Variants in FTO observed in about 807,000 individuals in gnomAD.
The protein encoded by FTO is alpha-ketoglutarate-dependent dioxygenase FTO.
Under a neutral mutation model 63.9 loss-of-function variants are expected in FTO, and 47 were observed. The ratio of observed to expected loss-of-function variants is 0.74; its 90% CI spans 0.58 to 0.94. The LOEUF (loss-of-function observed/expected upper bound fraction) is 0.94. Among genes scored for constraint, FTO ranks in the 40% least tolerant of loss-of-function variants. FTO has a pLI of 0.00. For missense variants in FTO, 562 were observed against 618.1 expected (o/e 0.91, Z 0.96); for synonymous variants, 207 against 224.4 (o/e 0.92, Z 0.69).
intron 7 of FTO, among the ~76,000 whole-genome samples, chr16:53,898,303 G>A (rs1197116363): frequency 6.6e-6 from 1 of 152,060 alleles, no homozygotes; most frequent in Non-Finnish European, 1.5e-5. Context: ...GCCTTTGTCT[G>A]GAATGTCTGT....
At chr16:53,705,417 T>A (rs932494499) in intron 1 of FTO, among the ~76,000 whole-genome samples, 1 of 152,202 alleles carries the variant, frequency 6.6e-6, no homozygotes, top group Non-Finnish European at 1.5e-5. Context: ...TAAAAGTCAC[T>A]CTTCACTATA....
At chr16:53,760,834 C>G (rs2077049337) in intron 1 of FTO, among the ~76,000 whole-genome samples, 1 of 151,618 alleles carries the variant, frequency 6.6e-6, no homozygotes, top group African/African-American at 2.4e-5. Context: ...ACCATGTTGG[C>G]CAGGCTGGTC....
intron 4 of FTO, among the ~76,000 whole-genome samples, chr16:53,851,038 C>T (rs1357954712): frequency 6.6e-6 from 1 of 152,028 alleles, no homozygotes; most frequent in African/African-American, 2.4e-5. Flanking sequence ...TTCAATATGA[C>T]ACTACCTGGT....
intron 8 of FTO, among the ~76,000 whole-genome samples, chr16:54,019,840 G>A (rs551055205): frequency 5.9e-5 from 9 of 152,240 alleles, no homozygotes; most frequent in South Asian, 2.1e-4. Flanking sequence ...ACTGCACAGC[G>A]TAGCATTTTG....
At chr16:53,827,235 C>G in intron 3 of FTO, among the ~76,000 whole-genome samples, 1 of 152,108 alleles carries the variant, frequency 6.6e-6, no homozygotes, top group Non-Finnish European at 1.5e-5. Flanking sequence ...TTCTCTTCTT[C>G]TATTATTGTT....
At chr16:53,874,727 A>C (rs2080598132) in intron 5 of FTO, among the ~76,000 whole-genome samples, 1 of 152,180 alleles carries the variant, frequency 6.6e-6, no homozygotes, top group African/African-American at 2.4e-5. Flanking sequence ...AAGTAGCTTT[A>C]CCAGTGGAAC....
intron 8 of FTO, among the ~76,000 whole-genome samples, chr16:54,106,432 G>A (rs1389971743): frequency 1.4e-5 from 2 of 148,018 alleles, no homozygotes; most frequent in Non-Finnish European, 3.0e-5. Context: ...AGGAAGGAGA[G>A]AGAGAAAAAG....
chr16:53,866,323 A>G (rs1004911005), intron 4 of FTO, among the ~76,000 whole-genome samples: 9 of 152,270 alleles, frequency 5.9e-5, no homozygotes, highest in Middle Eastern at 3.4e-3. Context: ...TTTTGCATCT[A>G]TGCTTATGAG....
At chr16:53,719,817 T>C (rs1164111180) in intron 1 of FTO, among the ~76,000 whole-genome samples, 1 of 152,134 alleles carries the variant, frequency 6.6e-6, no homozygotes, top group Non-Finnish European at 1.5e-5. Context: ...TATTTCAAAA[T>C]CTTAAAATAG....
chr16:54,094,797 G>A (rs1404968840), intron 8 of FTO, among the ~76,000 whole-genome samples: 1 of 152,194 alleles, frequency 6.6e-6, no homozygotes, highest in Non-Finnish European at 1.5e-5. Flanking sequence ...CGAATACTGT[G>A]TGTAGGTAGA....
intron 8 of FTO, among the ~76,000 whole-genome samples, chr16:53,987,964 C>T (rs2083711066): frequency 6.6e-6 from 1 of 152,146 alleles, no homozygotes. Context: ...CCCCCAGATA[C>T]CCCCACATTT....
intron 1 of FTO, among the ~76,000 whole-genome samples, chr16:53,802,673 T>C (rs999508241): frequency 1.3e-5 from 2 of 152,230 alleles, no homozygotes; most frequent in Non-Finnish European, 2.9e-5. Context: ...TAACTCCAAT[T>C]ACATGTATTA....
chr16:53,968,040 G>T (rs76906417), intron 8 of FTO, among the ~76,000 whole-genome samples: 1 of 152,002 alleles, frequency 6.6e-6, no homozygotes. Flanking sequence ...CACATATTAT[G>T]CAGCCTTCAT....
chr16:53,816,611 C>T (rs2078698196), intron 2 of FTO, among the ~76,000 whole-genome samples: 1 of 151,886 alleles, frequency 6.6e-6, no homozygotes, highest in Non-Finnish European at 1.5e-5. Context: ...CTGGAACTCT[C>T]TCATCCCCCC....
chr16:53,940,425 G>T (rs939819419), intron 8 of FTO, among the ~76,000 whole-genome samples: 1 of 152,180 alleles, frequency 6.6e-6, no homozygotes, highest in African/African-American at 2.4e-5. Context: ...AGCAGTGCAC[G>T]TTTCCCCGTT....
At chr16:54,022,227 C>T (rs146213914) in intron 8 of FTO, among the ~76,000 whole-genome samples, 6 of 152,236 alleles carry the variant, frequency 3.9e-5, no homozygotes, top group Non-Finnish European at 8.8e-5. Flanking sequence ...TTAAGGACAG[C>T]GTCTCCTAGG....
At chr16:54,033,214 C>T (rs2084870525) in intron 8 of FTO, among the ~76,000 whole-genome samples, 1 of 152,278 alleles carries the variant, frequency 6.6e-6, no homozygotes, top group African/African-American at 2.4e-5. Flanking sequence ...TCTGGACTGA[C>T]ATTTTTTCAC....
chr16:54,049,855 G>A (rs2085272938), intron 8 of FTO, among the ~76,000 whole-genome samples: 1 of 152,204 alleles, frequency 6.6e-6, no homozygotes, highest in South Asian at 2.1e-4. Context: ...CCTGAATGAG[G>A]AAGCAGTAGT....
intron 8 of FTO, among the ~76,000 whole-genome samples, chr16:53,970,278 G>A (rs2083285970): frequency 6.6e-6 from 1 of 152,118 alleles, no homozygotes; most frequent in Non-Finnish European, 1.5e-5. Context: ...ACATACAAGA[G>A]GGAAGCCGAC....
Sources: gnomAD v4.1 joint callset for allele counts (sites outside exome capture counted in the v4.1 genomes callset) on GRCh38, gnomAD v4.1.1 for gene constraint, MANE v1.5 for transcripts, NCBI Gene and HGNC (gene_info 2026-07-23, HGNC 2026-07-21) for gene names.